MDGA2: variants seen among roughly 807,000 people sequenced by gnomAD.
MDGA2 encodes the protein MAM domain-containing glycosylphosphatidylinositol anchor protein 2.
A neutral mutation model predicts 117.8 loss-of-function variants in MDGA2; 40 were observed. The observed-to-expected ratio is 0.34, with a 90% CI of 0.26 to 0.44. The LOEUF (loss-of-function observed/expected upper bound fraction) is 0.44, where lower values mean the gene tolerates loss of function less well. MDGA2 is among the 20% of genes least tolerant of loss of function. The pLI is 1.00. For missense variants in MDGA2, 1,123 were observed against 1,250.6 expected (o/e 0.90, Z 1.54); for synonymous variants, 452 against 439.0 (o/e 1.03, Z -0.37).
intron 1 of MDGA2, among the ~76,000 whole-genome samples, chr14:47,653,562 C>G (rs192888097): frequency 8.3e-4 from 127 of 152,198 alleles, no homozygotes; most frequent in Admixed American, 3.1e-3. Context: ...AGTAACAAAC[C>G]AAACCTCGCC....
chr14:47,328,024 G>C (rs2000031), intron 1 of MDGA2, among the ~76,000 whole-genome samples: 1 of 152,026 alleles, frequency 6.6e-6, no homozygotes. Flanking sequence ...GTGTAATGTC[G>C]AGTAATGTAC....
intron 15 of MDGA2, among the ~76,000 whole-genome samples, chr14:46,848,274 A>G (rs906074034): frequency 9.9e-5 from 15 of 152,052 alleles, no homozygotes; most frequent in African/African-American, 3.6e-4. Flanking sequence ...TTCCTATCTT[A>G]GCTATGTAAA....
intron 1 of MDGA2, among the ~76,000 whole-genome samples, chr14:47,550,439 A>C (rs1460999594): frequency 2.6e-5 from 4 of 152,200 alleles, no homozygotes; most frequent in African/African-American, 7.2e-5. Context: ...CAACAGTATC[A>C]AGCATATAAA....
At chr14:47,250,247 A>T (rs964629159) in intron 2 of MDGA2, among the ~76,000 whole-genome samples, 1 of 152,240 alleles carries the variant, frequency 6.6e-6, no homozygotes, top group Non-Finnish European at 1.5e-5. Flanking sequence ...ACTTTCAGGG[A>T]GCAGAATACT....
At chr14:47,079,280 C>A (rs1249941010) in intron 6 of MDGA2, among the ~76,000 whole-genome samples, 1 of 152,148 alleles carries the variant, frequency 6.6e-6, no homozygotes, top group Non-Finnish European at 1.5e-5. Context: ...CTACTCACTG[C>A]TCAAAACAAT....
intron 7 of MDGA2, among the ~76,000 whole-genome samples, chr14:47,046,077 A>G (rs1276173833): frequency 4.0e-5 from 6 of 151,798 alleles, no homozygotes; most frequent in Non-Finnish European, 8.8e-5. Flanking sequence ...TGGGTGCAGC[A>G]CACCAACATG....
intron 2 of MDGA2, among the ~76,000 whole-genome samples, chr14:47,261,074 A>G (rs746379949): frequency 5.9e-5 from 9 of 152,122 alleles, no homozygotes; most frequent in Non-Finnish European, 7.4e-5. Flanking sequence ...AGCAATGACA[A>G]TGAAAGCTGT....
At chr14:47,297,721 A>G (rs1250880028) in intron 2 of MDGA2, among the ~76,000 whole-genome samples, 1 of 152,178 alleles carries the variant, frequency 6.6e-6, no homozygotes, top group East Asian at 1.9e-4. Context: ...TTGCAAGCTA[A>G]AAAGGCTAAT....
At chr14:47,605,909 A>G (rs1169972318) in intron 1 of MDGA2, among the ~76,000 whole-genome samples, 1 of 152,032 alleles carries the variant, frequency 6.6e-6, no homozygotes, top group Admixed American at 6.6e-5. Flanking sequence ...TTTATCTCAA[A>G]TATGCTCAGT....
intron 1 of MDGA2, among the ~76,000 whole-genome samples, chr14:47,389,379 G>A (rs980389781): frequency 1.3e-5 from 2 of 152,060 alleles, no homozygotes; most frequent in African/African-American, 4.8e-5. Context: ...GACTAAAAAT[G>A]TGTGTAATAA....
chr14:47,010,163 G>A (rs1406362264), intron 8 of MDGA2, among the ~76,000 whole-genome samples: 1 of 151,880 alleles, frequency 6.6e-6, no homozygotes. Flanking sequence ...CTGACTTCCT[G>A]GACAGTTGGA....
At chr14:47,537,151 C>A (rs968671129) in intron 1 of MDGA2, among the ~76,000 whole-genome samples, 1 of 151,908 alleles carries the variant, frequency 6.6e-6, no homozygotes, top group African/African-American at 2.4e-5. Flanking sequence ...TTCCTTCAAA[C>A]GTGCAACCGT....
intron 10 of MDGA2, among the ~76,000 whole-genome samples, chr14:46,887,512 C>T (rs1882719930): frequency 6.6e-6 from 1 of 151,854 alleles, no homozygotes; most frequent in Non-Finnish European, 1.5e-5. Context: ...AATTAAACGC[C>T]AGCATACAAT....
intron 10 of MDGA2, among the ~76,000 whole-genome samples, chr14:46,914,000 C>A (rs1307395753): frequency 1.3e-5 from 2 of 151,734 alleles, no homozygotes; most frequent in African/African-American, 4.8e-5. Context: ...AATAAAATAT[C>A]CTACTTTCCA....
intron 3 of MDGA2, among the ~76,000 whole-genome samples, chr14:47,148,192 T>C (rs1883020970): frequency 6.6e-6 from 1 of 152,144 alleles, no homozygotes; most frequent in Admixed American, 6.6e-5. Flanking sequence ...TAAAGATTAA[T>C]GGGACTCTTG....
intron 1 of MDGA2, among the ~76,000 whole-genome samples, chr14:47,585,348 G>A (rs953087990): frequency 1.6e-4 from 25 of 151,856 alleles, no homozygotes; most frequent in African/African-American, 6.0e-4. Flanking sequence ...GGTTACCACA[G>A]AACTTGTACT....
chr14:47,232,384 A>G (rs1886721533), intron 2 of MDGA2, among the ~76,000 whole-genome samples: 1 of 151,992 alleles, frequency 6.6e-6, no homozygotes, highest in Non-Finnish European at 1.5e-5. Flanking sequence ...GTGCTGTGAT[A>G]TTATTCTGTA....
At chr14:47,644,869 A>G (rs889897781) in intron 1 of MDGA2, among the ~76,000 whole-genome samples, 3 of 152,264 alleles carry the variant, frequency 2.0e-5, no homozygotes, top group Non-Finnish European at 4.4e-5. Flanking sequence ...AATCTTAAAA[A>G]TATATATCTA....
chr14:46,851,209 C>T (rs1283536775), intron 15 of MDGA2, among the ~76,000 whole-genome samples: 6 of 151,586 alleles, frequency 4.0e-5, no homozygotes, highest in South Asian at 2.1e-4. Context: ...ACTAAGAAAA[C>T]GTAAAGAGCA....
Sources: gnomAD v4.1 joint callset for allele counts (sites outside exome capture counted in the v4.1 genomes callset) on GRCh38, gnomAD v4.1.1 for gene constraint, MANE v1.5 for transcripts, NCBI Gene and HGNC (gene_info 2026-07-23, HGNC 2026-07-21) for gene names.